The following FTSJ3 variants were observed in gnomAD, a reference collection of about 807,000 sequenced individuals.
The protein encoded by FTSJ3 is pre-rRNA 2'-O-ribose RNA methyltransferase FTSJ3.
Under a neutral mutation model 111.5 loss-of-function variants are expected in FTSJ3, and 46 were observed. The observed-to-expected ratio is 0.41, with a 90% CI of 0.33 to 0.53. The LOEUF (loss-of-function observed/expected upper bound fraction) is 0.53, where lower values mean the gene tolerates loss of function less well. Ranked by LOEUF, FTSJ3 falls within the 20% of genes least tolerant of loss-of-function variation. The probability of loss-of-function intolerance (pLI) is 0.19; values close to 1 mark genes in which losing one functional copy is unlikely to be tolerated. For synonymous variants in FTSJ3, 408 were observed against 383.0 expected, an observed-to-expected ratio of 1.07 and a Z score of -0.76; for missense variants, 1,075 against 1,063.8, an observed-to-expected ratio of 1.01 and a Z score of -0.15.
rs1296694641 is a variant in FTSJ3 at position 63,819,910 on chromosome 17, G to A, written c.2436C>T (p.Arg812=). Residue 812 remains arginine (R), a synonymous_variant, in exon 21 of 21, where the codon CGC becomes CGT. Coordinates refer to ENST00000427159, the MANE Select transcript of FTSJ3 (RefSeq NM_017647.4). ...AATGACCTCTGACTCCAGCTGGCCG[G>A]CGCACTTTGCGGCCCACACCTTTTT... ...VAKKGVGRKV[R]RPAGVRGHFK... is the part of the protein sequence containing the mutation. 5 of 1,614,008 alleles carry A rather than the reference G, an allele frequency of 3.1e-6. No homozygotes were observed. Among genetic ancestry groups the A allele is most frequent in the Non-Finnish European group, 4.2e-6 (5 of 1,180,002 alleles).
At chr17:63,822,898 G>A (rs1156470147) in intron 13 of FTSJ3, among the ~76,000 whole-genome samples, 1 of 152,106 alleles carries the variant, frequency 6.6e-6, no homozygotes, top group African/African-American at 2.4e-5. Context: ...TTCTATTATT[G>A]TTTTACAGAT....
chr17:63,819,545 C>A lies in FTSJ3; in HGVS notation c.*257G>T, dbSNP rs1042972701. ...GAGTATCGCTCCAACACCGAACTTC[C>A]CTTTAACGGTTTAAAAAAAGGGTCA... On this transcript the variant is annotated 3_prime_UTR_variant, in exon 21 of 21. Coordinates refer to ENST00000427159, the MANE Select transcript of FTSJ3 (RefSeq NM_017647.4). 2 of 443,348 alleles carry A rather than the reference C, an allele frequency of 4.5e-6. No individual in the cohort carries two copies. Among genetic ancestry groups the A allele is most frequent in the Non-Finnish European group, 8.0e-6 (2 of 248,688 alleles). 27.5% of individuals were successfully genotyped at this position (443,348 alleles called of 1,614,324 possible).
At position 63,822,347 on chromosome 17, in the gene FTSJ3, C is replaced by T. The variant is rs549131919; in HGVS notation, c.1291-179G>A. 4.6e-5 allele frequency among the ~76,000 whole-genome samples: 7 copies of T among 152,122 alleles called. No homozygotes were observed. The South Asian group carries it at 6.2e-4, about 14-fold the overall frequency. Reference sequence around the variant, plus strand: ...AGTGAATGGCCTGTTTACAACATCCCGTTCTAGGCTGGGTTACTGATCTAT... The same window carrying T: ...AGTGAATGGCCTGTTTACAACATCCTGTTCTAGGCTGGGTTACTGATCTAT... On this transcript the variant is annotated intron_variant, in intron 13 of 20. Coordinates refer to ENST00000427159, the MANE Select transcript of FTSJ3 (RefSeq NM_017647.4).
In FTSJ3 at chr17:63,821,987, T is replaced by C. The variant is rs1166586055; in HGVS notation, c.1472A>G (p.Lys491Arg). The C allele has an allele frequency of 2.5e-6, 4 of 1,613,900 alleles. No homozygotes were observed. The African/African-American group carries it at 5.3e-5, about 22-fold the overall frequency. Reference protein sequence around the residue: ...VRGHQGLRDQKRMRLTEVQDD... With the variant: ...VRGHQGLRDQRRMRLTEVQDD... ...TTGGTGCACACGTGCCCCTTACCGC[T>C]TTTGGTCCCTTAGACCCTGATGTCC... Residue 491 changes from lysine to arginine, a missense_variant, in exon 14 of 21, where the codon AAG becomes AGG. Physicochemically the swap from Lys to Arg is conservative, Grantham distance 26. Transcript: ENST00000427159.
In FTSJ3 at chr17:63,826,934, G is replaced by C. The variant is rs942349884; in HGVS notation, c.-26-6C>G. ...AAGGGGGAGTATCCCTCAATCTGGG[G>C]AGAAAGTAGAAGTTGGGAACGTCTC... On this transcript the variant is annotated splice_region_variant and splice_polypyrimidine_tract_variant and intron_variant, in intron 1 of 20. Coordinates refer to ENST00000427159, the MANE Select transcript of FTSJ3 (RefSeq NM_017647.4). 3.2e-6 allele frequency: 5 copies of C among 1,582,562 alleles called. No homozygotes were observed. Among genetic ancestry groups the C allele is most frequent in the Non-Finnish European group, 4.3e-6 (5 of 1,151,534 alleles).
At chr17:63,823,609 T>G in intron 13 of FTSJ3, 1 of 470,480 alleles carries the variant, frequency 2.1e-6, no homozygotes, top group Non-Finnish European at 3.7e-6. Context: ...AAAAAAAAAA[T>G]AAATCTATCA....
At position 63,826,392 on chromosome 17, in the gene FTSJ3, T is replaced by C. The variant is rs2040104424; in HGVS notation, c.174-88A>G. The C allele has an allele frequency of 2.3e-6, 3 of 1,328,788 alleles. No individual in the cohort carries two copies. The South Asian group carries it at 3.5e-5, about 16-fold the overall frequency. The allele number at this position is 1,328,788 out of a possible 1,614,324, so 82.3% of individuals were successfully genotyped here. On this transcript the variant is annotated intron_variant, in intron 3 of 20. Coordinates refer to ENST00000427159, the MANE Select transcript of FTSJ3 (RefSeq NM_017647.4). ...CTCTCATCCCTGGTGTTACGTGTAC[T>C]GGCCAAAGCATATCATAGGCACGTA...
Position 63,819,821 on chromosome 17 carries a change from T to G in FTSJ3, c.2525A>C (p.Lys842Thr). The G allele has an allele frequency of 6.2e-7, 1 of 1,613,026 alleles. No homozygotes were observed. The highest frequency in any genetic ancestry group is 8.5e-7 in the Non-Finnish European group (1 of 1,179,482). Reference sequence around the variant, plus strand: ...CTCTGCTTACTTCCGTTTGTGTTTTTTCTTTTGTTCCTTACGTTGCTGTGC... The same window carrying G: ...CTCTGCTTACTTCCGTTTGTGTTTTGTCTTTTGTTCCTTACGTTGCTGTGC... Reference protein sequence around the residue: ...QRAQQRKEQKKKHKRK With the variant: ...QRAQQRKEQKTKHKRK The change falls in exon 21 of 21, where the codon AAA (lysine) becomes ACA (threonine). Residue 842 changes from lysine to threonine, a missense_variant. Transcript: ENST00000427159.
At chr17:63,823,606 A>T (rs576225922) in intron 13 of FTSJ3, 10 of 549,108 alleles carry the variant, frequency 1.8e-5, no homozygotes, top group African/African-American at 1.2e-4. Flanking sequence ...AAAAAAAAAA[A>T]AATAAATCTA....
chr17:63,824,046 C>T (rs372336189), intron 12 of FTSJ3, 38 bp downstream of exon 12: 344 of 1,613,786 alleles, frequency 2.1e-4, no homozygotes, highest in Non-Finnish European at 2.8e-4. Flanking sequence ...ACAGTCCCTG[C>T]GTTGGGGAAC....
intron 5 of FTSJ3, 132 bp from the exon 6 acceptor site, chr17:63,825,767 T>A: frequency 1.4e-6 from 1 of 736,086 alleles, no homozygotes. Context: ...GATACAATAG[T>A]AAACAAAAAC....
At position 63,824,079 on chromosome 17, in the gene FTSJ3, T is replaced by C. The variant is rs2584627; in HGVS notation, c.1154+5A>G. 0.63 allele frequency: 1,023,716 copies of C among 1,613,892 alleles called. 329,530 individuals carry two copies. Among genetic ancestry groups the C allele is most frequent in the African/African-American group, 0.92 (69,249 of 74,996 alleles). On this transcript the variant is annotated splice_donor_5th_base_variant and intron_variant, in intron 12 of 20. Transcript: ENST00000427159. ...AACTCCAAGCTCTACCCCAGCTCCT[T>C]TCACCTCTTCAATTCCGCCACCTCC... is the stretch of plus-strand genomic sequence containing the variant.
rs2144607452 is a variant in FTSJ3 at position 63,824,082 on chromosome 17, A to C, written c.1154+2T>G. 1 of 1,613,606 alleles carries C rather than the reference A, an allele frequency of 6.2e-7. No individual in the cohort carries two copies. Among genetic ancestry groups the C allele is most frequent in the African/African-American group, 1.3e-5 (1 of 74,848 alleles). Reference sequence around the variant, plus strand: ...TCCAAGCTCTACCCCAGCTCCTTTCACCTCTTCAATTCCGCCACCTCCTGG... The same window carrying C: ...TCCAAGCTCTACCCCAGCTCCTTTCCCCTCTTCAATTCCGCCACCTCCTGG... On this transcript the variant is annotated splice_donor_variant, in intron 12 of 20. Transcript: ENST00000427159. LOFTEE classifies it high-confidence loss of function.
chr17:63,819,733 G>T lies in FTSJ3; in HGVS notation c.*69C>A. On this transcript the variant is annotated 3_prime_UTR_variant, in exon 21 of 21. Transcript: ENST00000427159. The stretch of plus-strand genomic sequence containing the variant: ...CAGGGGCTAGGCCGGTAATCAAGGG[G>T]GCCAGACTGAGCCATGCCACACCCT... 7.0e-7 allele frequency: 1 copy of T among 1,426,548 alleles called. No individual in the cohort carries two copies. The allele number at this position is 1,426,548 out of a possible 1,614,324, so 88.4% of individuals were successfully genotyped here.
rs765547319 is a variant in FTSJ3 at position 63,820,372 on chromosome 17, C to G, written c.2139G>C (p.Arg713=). The G allele has an allele frequency of 6.2e-7, 1 of 1,614,050 alleles. No homozygotes were observed. The highest frequency in any genetic ancestry group is 1.3e-5 in the African/African-American group (1 of 74,912). ...TCTTACCAACAGGCAACTGTCGTAT[C>G]CGGTGCTGCTTTTCCTCTTGCACAA... ...EWFVQEEKQH[R]IRQLPVGKKE... is the part of the protein sequence containing the mutation. The change falls in exon 19 of 21, where the codon CGG becomes CGC. Residue 713 remains arginine (R), a synonymous_variant. Coordinates refer to ENST00000427159, the MANE Select transcript of FTSJ3 (RefSeq NM_017647.4).
chr17:63,820,207 A>ACCCCCCCCCCCC, intron 19 of FTSJ3, 34 bp from the exon 20 acceptor site: 1 of 310,964 alleles, frequency 3.2e-6, no homozygotes, highest in Non-Finnish European at 5.6e-6. Context: ...CCTCTTCCCC[A>ACCCCCCCCCCCC]TCCCCCCACC....
rs760064767 is a variant in FTSJ3 at position 63,821,346 on chromosome 17, C to T, written c.1886+8G>A. The T allele has an allele frequency of 1.8e-5, 29 of 1,595,426 alleles. No homozygotes were observed. Among genetic ancestry groups the T allele is most frequent in the Non-Finnish European group, 2.5e-5 (29 of 1,170,064 alleles). ...TTTCCATCCCTTCTCTCAGCTGCAA[C>T]TACTCACCTCTCTTCTTCCTCACTG... On this transcript the variant is annotated splice_region_variant and intron_variant, in intron 16 of 20. Coordinates refer to ENST00000427159, the MANE Select transcript of FTSJ3 (RefSeq NM_017647.4).
chr17:63,821,924 AC>A, intron 14 of FTSJ3, 59 bp downstream of exon 14: 1 of 1,612,562 alleles, frequency 6.2e-7, no homozygotes, highest in African/African-American at 1.3e-5. Context: ...CTCTGGTAGT[AC>A]CCACCCTAAC....
chr17:63,819,809 C>T lies in FTSJ3; in HGVS notation c.2537G>A (p.Arg846Gln), dbSNP rs779042374. 10 of 1,612,242 alleles carry T rather than the reference C, an allele frequency of 6.2e-6. No individual in the cohort carries two copies. The highest frequency in any genetic ancestry group is 7.6e-6 in the Non-Finnish European group (9 of 1,179,014). ...GGAGCCTGGCAGCTCTGCTTACTTC[C>T]GTTTGTGTTTTTTCTTTTGTTCCTT... Reference protein sequence around the residue: ...QRKEQKKKHKRK With the variant: ...QRKEQKKKHKQK The change falls in exon 21 of 21, where the codon CGG becomes CAG. Residue 846 changes from arginine (R) to glutamine (Q), a missense_variant. Physicochemically the swap from Arg to Gln is conservative, Grantham distance 43. Transcript: ENST00000427159.
Sources: gnomAD v4.1 joint callset for allele counts (sites outside exome capture counted in the v4.1 genomes callset) on GRCh38, gnomAD v4.1.1 for gene constraint, MANE v1.5 for transcripts, NCBI Gene and HGNC (gene_info 2026-07-23, HGNC 2026-07-21) for gene names.